The following OTUD7A variants were observed in gnomAD, a reference collection of about 807,000 sequenced individuals.
The protein encoded by OTUD7A is OTU deubiquitinase 7A, also known as OTU domain-containing protein 7A.
Under a neutral mutation model 65.7 loss-of-function variants are expected in OTUD7A, and 12 were observed. The observed-to-expected ratio is 0.18, with a 90% CI of 0.12 to 0.30. The LOEUF (loss-of-function observed/expected upper bound fraction) is 0.30, where lower values mean the gene tolerates loss of function less well. Among genes scored for constraint, OTUD7A ranks in the 10% least tolerant of loss-of-function variants. OTUD7A has a pLI of 1.00. For missense variants in OTUD7A, 1,148 were observed against 1,304.8 expected (o/e 0.88, Z 1.85); for synonymous variants, 641 against 586.3 (o/e 1.09, Z -1.35).
chr15:31,767,212 G>T, intron 1 of OTUD7A: 1 of 1,005,288 alleles, frequency 9.9e-7, no homozygotes, highest in Non-Finnish European at 1.6e-6. Flanking sequence ...GAAGACTGGG[G>T]ATCATCTTGG....
intron 3 of OTUD7A, among the ~76,000 whole-genome samples, chr15:31,631,897 T>A (rs1891172150): frequency 6.6e-6 from 1 of 152,260 alleles, no homozygotes; most frequent in Non-Finnish European, 1.5e-5. Context: ...CTGAGGCTTC[T>A]GCATTCTTCA....
chr15:31,680,994 C>T (rs1892700299), intron 1 of OTUD7A, among the ~76,000 whole-genome samples: 1 of 149,560 alleles, frequency 6.7e-6, no homozygotes, highest in South Asian at 2.1e-4. Flanking sequence ...TTTAAATAAA[C>T]CTAAATAAAA....
At chr15:31,809,493 T>C (rs192789077) in intron 1 of OTUD7A, among the ~76,000 whole-genome samples, 3 of 152,320 alleles carry the variant, frequency 2.0e-5, no homozygotes, top group African/African-American at 7.2e-5. Context: ...CAATAAAACC[T>C]GAGCAGAAAC....
intron 1 of OTUD7A, among the ~76,000 whole-genome samples, chr15:31,845,856 G>T (rs1409396159): frequency 2.0e-5 from 3 of 152,240 alleles, no homozygotes; most frequent in Admixed American, 1.3e-4. Context: ...CCCGTTGGGG[G>T]TTGGTGGCTC....
At chr15:31,514,740 C>A (rs1243123857) in intron 8 of OTUD7A, among the ~76,000 whole-genome samples, 1 of 152,264 alleles carries the variant, frequency 6.6e-6, no homozygotes, top group Admixed American at 6.5e-5. Flanking sequence ...GTCCTCCCAT[C>A]CCCCACCCAC....
At chr15:31,751,483 G>T (rs1323477527) in intron 1 of OTUD7A, among the ~76,000 whole-genome samples, 1 of 152,180 alleles carries the variant, frequency 6.6e-6, no homozygotes, top group Non-Finnish European at 1.5e-5. Context: ...GATTAGTTCA[G>T]CCACTGCAGA....
chr15:31,847,082 G>A (rs1439330548), intron 1 of OTUD7A, among the ~76,000 whole-genome samples: 1 of 152,220 alleles, frequency 6.6e-6, no homozygotes, highest in East Asian at 1.9e-4. Flanking sequence ...CAGGCCTGCC[G>A]TAGCCTGGGC....
intron 1 of OTUD7A, among the ~76,000 whole-genome samples, chr15:31,783,427 G>A (rs979498229): frequency 3.9e-5 from 6 of 152,158 alleles, no homozygotes; most frequent in African/African-American, 1.4e-4. Flanking sequence ...TCATGGTATC[G>A]AAGCAATGGA....
At chr15:31,622,169 C>G (rs1012732699) in intron 3 of OTUD7A, among the ~76,000 whole-genome samples, 1 of 152,110 alleles carries the variant, frequency 6.6e-6, no homozygotes, top group African/African-American at 2.4e-5. Context: ...GTAGGTAACC[C>G]GACTTTTCTT....
intron 3 of OTUD7A, among the ~76,000 whole-genome samples, chr15:31,603,239 A>G (rs1406732065): frequency 6.6e-6 from 1 of 151,900 alleles, no homozygotes; most frequent in Non-Finnish European, 1.5e-5. Flanking sequence ...TGGTACCAAA[A>G]CAGATATATA....
intron 3 of OTUD7A, among the ~76,000 whole-genome samples, chr15:31,610,593 T>TTATATATATATATA (rs1244768576): frequency 4.3e-4 from 35 of 80,986 alleles, no homozygotes; most frequent in Non-Finnish European, 5.1e-4. Context: ...AAAAATGAAA[T>TTATATATATATATA]TATATATATA....
At chr15:31,699,947 T>C (rs1455218223) in intron 1 of OTUD7A, among the ~76,000 whole-genome samples, 1 of 151,842 alleles carries the variant, frequency 6.6e-6, no homozygotes, top group Non-Finnish European at 1.5e-5. Flanking sequence ...TCACAATAAT[T>C]GCTGTCCACT....
chr15:31,509,455 A>G (rs935781008), intron 8 of OTUD7A, among the ~76,000 whole-genome samples: 2 of 151,472 alleles, frequency 1.3e-5, no homozygotes, highest in Non-Finnish European at 2.9e-5. Context: ...TTTTTTTTGT[A>G]TTTTTAGTAG....
intron 10 of OTUD7A, among the ~76,000 whole-genome samples, chr15:31,500,631 A>T (rs1480471669): frequency 6.6e-6 from 1 of 152,214 alleles, no homozygotes; most frequent in Non-Finnish European, 1.5e-5. Context: ...TTTCCTTCCC[A>T]GCTGTCTACA....
intron 1 of OTUD7A, among the ~76,000 whole-genome samples, chr15:31,774,437 A>C (rs966133445): frequency 1.3e-5 from 2 of 152,256 alleles, no homozygotes; most frequent in African/African-American, 4.8e-5. Flanking sequence ...TCCTCTATGG[A>C]GGAGAAAAAG....
At chr15:31,847,784 G>A (rs1244721562) in intron 1 of OTUD7A, among the ~76,000 whole-genome samples, 2 of 152,176 alleles carry the variant, frequency 1.3e-5, no homozygotes, top group African/African-American at 4.8e-5. Flanking sequence ...GGCTTAACAG[G>A]AAGCATGGCT....
At chr15:31,767,912 T>C (rs1895131788) in intron 1 of OTUD7A, 1 of 1,514,104 alleles carries the variant, frequency 6.6e-7, no homozygotes, top group Middle Eastern at 1.7e-4. Flanking sequence ...GAGCTGGTTG[T>C]TATCATCAAC....
At position 31,866,120 on chromosome 15, in the gene OTUD7A, A is replaced by ACTT. The variant is rs1897869394; in HGVS notation, c.-100+4384_-100+4386dup. Among the ~76,000 whole-genome samples, 3 of 152,376 alleles carry ACTT rather than the reference A, an allele frequency of 2.0e-5. No homozygotes were observed. The South Asian group carries it at 6.2e-4, about 32-fold the overall frequency. On this transcript the variant is annotated intron_variant, in intron 1 of 12. Coordinates refer to ENST00000307050, the MANE Select transcript of OTUD7A (RefSeq NM_001382637.1). ...TTGTATTAGCATTAATGTGTATTTGACTTCTCAGAATGTGAGATGCTGTAG... is the reference window on the plus strand; with the variant it reads ...TTGTATTAGCATTAATGTGTATTTGACTTCTTCTCAGAATGTGAGATGCTGTAG...
chr15:31,732,555 G>C (rs1274796010), intron 1 of OTUD7A, among the ~76,000 whole-genome samples: 1 of 152,216 alleles, frequency 6.6e-6, no homozygotes, highest in Non-Finnish European at 1.5e-5. Context: ...TAAAAAGTTG[G>C]TTCTTGGAGA....
Sources: gnomAD v4.1 joint callset for allele counts (sites outside exome capture counted in the v4.1 genomes callset) on GRCh38, gnomAD v4.1.1 for gene constraint, MANE v1.5 for transcripts, NCBI Gene and HGNC (gene_info 2026-07-23, HGNC 2026-07-21) for gene names.